Variants in BABAM2 observed in about 807,000 individuals in gnomAD.
The protein encoded by BABAM2 is BRISC and BRCA1 A complex member 2.
BABAM2 carries 31 observed loss-of-function variants against 54.7 expected under a neutral mutation model. The ratio of observed to expected loss-of-function variants is 0.57; its 90% CI spans 0.43 to 0.77. The LOEUF (loss-of-function observed/expected upper bound fraction) is 0.77. Ranked by LOEUF, BABAM2 falls within the 30% of genes least tolerant of loss-of-function variation. The pLI, the probability that BABAM2 is intolerant of heterozygous loss-of-function variation, is 0.00. For synonymous variants in BABAM2, 167 were observed against 162.9 expected (o/e 1.03, Z -0.19); for missense variants, 364 against 455.8 (o/e 0.80, Z 1.83).
chr2:28,243,564 G>T (rs188787125), intron 9 of BABAM2, among the ~76,000 whole-genome samples: 341 of 151,702 alleles, frequency 2.2e-3, no homozygotes, highest in African/African-American at 8.0e-3. Context: ...AAAATTAGCC[G>T]GGCATAGTGG....
At chr2:28,254,728 A>ATTTTTTTTTTTTTTTTTTT (rs759661036) in intron 10 of BABAM2, among the ~76,000 whole-genome samples, 1 of 122,402 alleles carries the variant, frequency 8.2e-6, no homozygotes. Flanking sequence ...TTTTTTTTCA[A>ATTTTTTTTTTTTTTTTTTT]TTTTTTTTTT....
At chr2:28,085,652 A>G (rs2148681050) in intron 6 of BABAM2, among the ~76,000 whole-genome samples, 1 of 152,254 alleles carries the variant, frequency 6.6e-6, no homozygotes, top group African/African-American at 2.4e-5. Context: ...TTAGCCATAC[A>G]TGATTCAGTT....
chr2:28,099,001 A>T (rs912845757), intron 6 of BABAM2, among the ~76,000 whole-genome samples: 4 of 151,852 alleles, frequency 2.6e-5, no homozygotes, highest in Admixed American at 2.0e-4. Context: ...AGTTCCTCTA[A>T]CTCCCCTTGT....
intron 7 of BABAM2, among the ~76,000 whole-genome samples, chr2:28,161,253 G>A (rs544759712): frequency 6.6e-6 from 1 of 152,160 alleles, no homozygotes; most frequent in African/African-American, 2.4e-5. Context: ...GCACATTCTT[G>A]TTTTGAGTTG....
chr2:28,310,050 C>G, intron 11 of BABAM2: 1 of 1,604,740 alleles, frequency 6.2e-7, no homozygotes, highest in East Asian at 2.2e-5. Flanking sequence ...TGAAAAGTAT[C>G]TTAAAGGGAT....
chr2:28,081,565 G>T (rs1328321175), intron 6 of BABAM2, among the ~76,000 whole-genome samples: 3 of 152,170 alleles, frequency 2.0e-5, no homozygotes, highest in African/African-American at 7.2e-5. Context: ...ACTAAAAGTG[G>T]TTATCAGGCT....
At chr2:27,934,143 C>T (rs996024724) in intron 3 of BABAM2, among the ~76,000 whole-genome samples, 9 of 152,098 alleles carry the variant, frequency 5.9e-5, no homozygotes, top group Middle Eastern at 6.8e-3. Context: ...TTCCCCAAAG[C>T]GTGTGCTTAT....
chr2:28,103,770 C>A lies in BABAM2; in HGVS notation c.571-25501C>A, dbSNP rs1378727080. On this transcript the variant is annotated intron_variant, in intron 6 of 11. Transcript: ENST00000379624. Reference sequence around the variant, plus strand: ...CCATTTCTGCTCTTTATGAGAGCTTCTTAGGTGATCTCTTCTACCAAGTGA... The same window carrying A: ...CCATTTCTGCTCTTTATGAGAGCTTATTAGGTGATCTCTTCTACCAAGTGA... 2.0e-5 allele frequency among the ~76,000 whole-genome samples: 3 copies of A among 152,284 alleles called. No homozygotes were observed. In the East Asian group the frequency reaches 5.8e-4, roughly 29 times the overall value.
rs186884207 is a variant in BABAM2 at position 27,916,256 on chromosome 2, G to A, written c.129-13576G>A. On this transcript the variant is annotated intron_variant, in intron 2 of 11. Transcript: ENST00000379624. ...ATAGGCAGCATTTAGGACATGTTTTGGATCAAGGCATAAAAACAGTGGCCT... is the reference window on the plus strand; with the variant it reads ...ATAGGCAGCATTTAGGACATGTTTTAGATCAAGGCATAAAAACAGTGGCCT... Among the ~76,000 whole-genome samples the A allele has an allele frequency of 3.0e-3, 455 of 151,028 alleles. 2 individuals carry two copies. Among genetic ancestry groups the A allele is most frequent in the Non-Finnish European group, 3.6e-3 (246 of 67,852 alleles).
At chr2:28,168,778 G>C (rs1450858775) in intron 7 of BABAM2, among the ~76,000 whole-genome samples, 2 of 152,174 alleles carry the variant, frequency 1.3e-5, no homozygotes, top group Non-Finnish European at 2.9e-5. Context: ...AGATTAATTA[G>C]TGTCTTCACA....
At chr2:28,224,885 T>G (rs1680745550) in intron 7 of BABAM2, among the ~76,000 whole-genome samples, 3 of 147,224 alleles carry the variant, frequency 2.0e-5, no homozygotes, top group Non-Finnish European at 4.5e-5. Flanking sequence ...TCTGGGGCCC[T>G]GTTTCTCAAG....
chr2:28,338,082 T>A (rs1226389367), intron 11 of BABAM2, among the ~76,000 whole-genome samples: 1 of 152,218 alleles, frequency 6.6e-6, no homozygotes, highest in Non-Finnish European at 1.5e-5. Flanking sequence ...TTCCTGATAC[T>A]CTAGATCACT....
chr2:27,955,330 T>C (rs1465401017), intron 3 of BABAM2, among the ~76,000 whole-genome samples: 3 of 152,216 alleles, frequency 2.0e-5, no homozygotes, highest in African/African-American at 7.2e-5. Flanking sequence ...CATACTTTGC[T>C]AGGAAGTGCA....
intron 7 of BABAM2, among the ~76,000 whole-genome samples, chr2:28,168,319 A>G (rs973611663): frequency 2.0e-5 from 3 of 152,164 alleles, no homozygotes; most frequent in African/African-American, 7.2e-5. Context: ...ATTCAGCCAG[A>G]ATCTGATTTT....
chr2:28,290,068 T>A (rs974952130), intron 10 of BABAM2, among the ~76,000 whole-genome samples: 2 of 152,226 alleles, frequency 1.3e-5, no homozygotes, highest in Admixed American at 1.3e-4. Flanking sequence ...TTTTGATCCT[T>A]GTAAGTATAT....
chr2:28,013,341 T>C (rs1308302223), intron 4 of BABAM2: 1 of 455,746 alleles, frequency 2.2e-6, no homozygotes, highest in Admixed American at 2.4e-5. Context: ...CTAGAATTCC[T>C]CTGTTAGTTG....
At chr2:28,237,327 C>G in intron 8 of BABAM2, 26 bp downstream of exon 8, 3 of 1,581,118 alleles carry the variant, frequency 1.9e-6, no homozygotes, top group Non-Finnish European at 1.7e-6. Flanking sequence ...CAACTCATCC[C>G]TCTTATGAGA....
chr2:28,009,032 G>A (rs965633600), intron 4 of BABAM2, among the ~76,000 whole-genome samples: 2 of 152,152 alleles, frequency 1.3e-5, no homozygotes, highest in East Asian at 1.9e-4. Flanking sequence ...TTTAGCCATC[G>A]TTTAGTCAAT....
chr2:28,224,871 A>T (rs1032165610), intron 7 of BABAM2, among the ~76,000 whole-genome samples: 2 of 151,768 alleles, frequency 1.3e-5, no homozygotes, highest in African/African-American at 2.4e-5. Flanking sequence ...AAAAAAAAAA[A>T]AAATCTGGGG....
Sources: allele counts gnomAD v4.1 joint callset (sites outside exome capture counted in the v4.1 genomes callset), GRCh38; gene constraint gnomAD v4.1.1; transcripts MANE v1.5; gene names NCBI Gene and HGNC (gene_info 2026-07-23, HGNC 2026-07-21).